ALS2: variants seen among roughly 807,000 people sequenced by gnomAD.
ALS2 encodes the protein alsin.
Under a neutral mutation model 203.4 loss-of-function variants are expected in ALS2, and 117 were observed. That is an observed-to-expected ratio of 0.58 (90% CI 0.50 to 0.67). ALS2 has a LOEUF of 0.67. Among genes scored for constraint, ALS2 ranks in the 30% least tolerant of loss-of-function variants. ALS2 has a pLI of 0.00. For synonymous variants in ALS2, 718 were observed against 725.9 expected, an observed-to-expected ratio of 0.99 and a Z score of 0.17; for missense variants, 1,715 against 1,989.4, an observed-to-expected ratio of 0.86 and a Z score of 2.62.
intron 3 of ALS2, among the ~76,000 whole-genome samples, chr2:201,766,171 T>A (rs1271790608): frequency 6.6e-6 from 1 of 152,208 alleles, no homozygotes; most frequent in African/African-American, 2.4e-5. Context: ...ACAAAAGTTA[T>A]AGCAAGAGTC....
chr2:201,727,369 C>G, intron 16 of ALS2, 91 bp from the exon 17 acceptor site: 1 of 1,094,072 alleles, frequency 9.1e-7, no homozygotes, highest in Non-Finnish European at 1.4e-6. Flanking sequence ...CTCTTTATTT[C>G]AAGAGGAACA....
In ALS2 at chr2:201,724,391, C is replaced by T. The variant is rs761444982; in HGVS notation, c.3416G>A (p.Arg1139Gln). Residue 1139 changes from arginine to glutamine, a missense_variant, in exon 21 of 34, where the codon CGA (arginine) becomes CAA (glutamine). Physicochemically the swap from Arg to Gln is conservative, Grantham distance 43. Transcript: ENST00000264276. ...AGAAGAGGACGTCAATTTCCCACTT[C>T]GTAGAAGACCATGACCATGACGCAT... ...DNMRHGHGLL[R>Q]SGKLTSSSPS... 42 of 1,613,740 alleles carry T rather than the reference C, an allele frequency of 2.6e-5. No individual in the cohort carries two copies. Among genetic ancestry groups the T allele is most frequent in the Non-Finnish European group, 3.4e-5 (40 of 1,179,782 alleles).
intron 1 of ALS2, among the ~76,000 whole-genome samples, chr2:201,778,854 C>T (rs1172664089): frequency 6.6e-6 from 1 of 152,092 alleles, no homozygotes; most frequent in African/African-American, 2.4e-5. Flanking sequence ...CTCATAGTAC[C>T]CAAAGCGGGC....
chr2:201,749,696 A>T lies in ALS2; in HGVS notation c.1815+16T>A. 6.2e-7 allele frequency: 1 copy of T among 1,605,328 alleles called. No individual in the cohort carries two copies. The highest frequency in any genetic ancestry group is 8.5e-7 in the Non-Finnish European group (1 of 1,172,000). On this transcript the variant is annotated intron_variant, in intron 8 of 33. Coordinates refer to ENST00000264276, the MANE Select transcript of ALS2 (RefSeq NM_020919.4). The stretch of plus-strand genomic sequence containing the variant: ...AAGAATTGTGGAATAAGTTGCTATC[A>T]AGTTCACAAAAGTACCTTTGCAAGA...
Position 201,705,424 on chromosome 2 carries a change from T to C in ALS2, c.4618A>G (p.Ser1540Gly), listed in dbSNP as rs1689645085. The C allele has an allele frequency of 6.2e-7, 1 of 1,613,474 alleles. No individual in the cohort carries two copies. ...AAGAAAATCTACTATACCTTTTTACTCTCTCCAAGGATTGACAAGGTTGCT... is the reference window on the plus strand; with the variant it reads ...AAGAAAATCTACTATACCTTTTTACCCTCTCCAAGGATTGACAAGGTTGCT... ...WPATLSILGESKKVLPTTKDA... is the reference protein window; with the variant it reads ...WPATLSILGEGKKVLPTTKDA... The change falls in exon 30 of 34, where the codon AGT becomes GGT. Residue 1540 changes from serine to glycine, a missense_variant. Ser to Gly is a moderately conservative substitution (Grantham distance 56). This residue lies in a region of ALS2 where 1,227 missense variants were observed against 1,413.5 expected (regional missense o/e 0.87). Coordinates refer to ENST00000264276, the MANE Select transcript of ALS2 (RefSeq NM_020919.4).
At chr2:201,759,473 T>C (rs1330842801) in intron 4 of ALS2, 1 of 949,396 alleles carries the variant, frequency 1.1e-6, no homozygotes, top group African/African-American at 1.8e-5. Flanking sequence ...TAAATTAAAT[T>C]TAATTCAATA....
chr2:201,728,877 T>C (rs999725016), intron 14 of ALS2, among the ~76,000 whole-genome samples, 175 bp downstream of exon 14: 1 of 152,346 alleles, frequency 6.6e-6, no homozygotes, highest in Admixed American at 6.5e-5. Context: ...AGAGGATTTC[T>C]AGAAATGAGA....
intron 9 of ALS2, among the ~76,000 whole-genome samples, chr2:201,745,964 T>C (rs1692615290): frequency 6.6e-6 from 1 of 151,978 alleles, no homozygotes; most frequent in Non-Finnish European, 1.5e-5. Flanking sequence ...AATAAATTAA[T>C]TAATTTAATT....
chr2:201,736,109 C>T (rs188988134), intron 12 of ALS2, among the ~76,000 whole-genome samples: 25 of 151,982 alleles, frequency 1.6e-4, no homozygotes, highest in African/African-American at 4.8e-4. Context: ...CAAATGTAAA[C>T]TTGTCAAAAC....
chr2:201,704,632 T>C, intron 31 of ALS2, 29 bp from the exon 32 acceptor site: 1 of 1,613,602 alleles, frequency 6.2e-7, no homozygotes, highest in Non-Finnish European at 8.5e-7. Flanking sequence ...CAAAAAGACA[T>C]CCTATAATTT....
At chr2:201,704,081 G>C (rs1214565680) in intron 33 of ALS2, 41 bp downstream of exon 33, 10 of 1,521,088 alleles carry the variant, frequency 6.6e-6, no homozygotes, top group Non-Finnish European at 9.1e-6. Flanking sequence ...ATGAAAGACA[G>C]ATATGAAGAT....
intron 1 of ALS2, among the ~76,000 whole-genome samples, chr2:201,771,897 C>G (rs1434962798): frequency 2.0e-5 from 3 of 152,292 alleles, no homozygotes; most frequent in South Asian, 4.1e-4. Context: ...TTAACCAGCT[C>G]TGATAAAGAA....
At chr2:201,749,134 A>T (rs1692862564) in intron 8 of ALS2, among the ~76,000 whole-genome samples, 1 of 152,102 alleles carries the variant, frequency 6.6e-6, no homozygotes, top group Admixed American at 6.5e-5. Flanking sequence ...GTGGAGAAAC[A>T]CTGCTACAGA....
chr2:201,746,876 TTACCCA>T, intron 8 of ALS2, 128 bp from the exon 9 acceptor site: 3 of 1,018,856 alleles, frequency 2.9e-6, no homozygotes, highest in Non-Finnish European at 4.5e-6. Context: ...GAGAGCAAAC[TTACCCA>T]GCAATTTGCC....
intron 10 of ALS2, among the ~76,000 whole-genome samples, chr2:201,742,900 C>G (rs1057011360): frequency 6.6e-6 from 1 of 151,806 alleles, no homozygotes. Context: ...GGCAAAACCC[C>G]GTCTCTATTA....
chr2:201,720,053 C>A, intron 23 of ALS2: 1 of 380,168 alleles, frequency 2.6e-6, no homozygotes, highest in Non-Finnish European at 5.0e-6. Flanking sequence ...AGAAATAATA[C>A]CAAAGCTTCG....
At chr2:201,711,171 A>G (rs1690008157) in intron 25 of ALS2, 63 bp from the exon 26 acceptor site, 1 of 1,053,072 alleles carries the variant, frequency 9.5e-7, no homozygotes, top group Non-Finnish European at 1.5e-6. Flanking sequence ...ACGTGTAAAT[A>G]CTCACATGAA....
chr2:201,778,752 C>A (rs754750969), intron 1 of ALS2, among the ~76,000 whole-genome samples: 1 of 152,144 alleles, frequency 6.6e-6, no homozygotes, highest in South Asian at 2.1e-4. Context: ...ACTTGAAATA[C>A]GTGGTAGATT....
At chr2:201,724,112 CAA>C (rs1281314553) in intron 21 of ALS2, among the ~76,000 whole-genome samples, 181 bp downstream of exon 21, 1 of 151,328 alleles carries the variant, frequency 6.6e-6, no homozygotes, top group Non-Finnish European at 1.5e-5. Flanking sequence ...AACCCTGTCT[CAA>C]AAAATAAAAA....
Sources: allele counts gnomAD v4.1 joint callset (sites outside exome capture counted in the v4.1 genomes callset), GRCh38; gene constraint gnomAD v4.1.1; regional missense constraint gnomAD v4.1.1; transcripts MANE v1.5; gene names NCBI Gene and HGNC (gene_info 2026-07-23, HGNC 2026-07-21).